ATP6V0D2: variants seen among roughly 807,000 people sequenced by gnomAD.
ATP6V0D2 encodes ATPase H+ transporting V0 subunit d2.
Under a neutral mutation model 40.0 loss-of-function variants are expected in ATP6V0D2, and 40 were observed. That is an observed-to-expected ratio of 1.00 (90% confidence interval 0.78 to 1.30). The LOEUF (loss-of-function observed/expected upper bound fraction) is 1.30. Among genes scored for constraint, ATP6V0D2 ranks in the 50% most tolerant of loss-of-function variants. The pLI, the probability that ATP6V0D2 is intolerant of heterozygous loss-of-function variation, is 0.00. For synonymous variants in ATP6V0D2, 179 were observed against 156.3 expected, an observed-to-expected ratio of 1.15 and a Z score of -1.08; for missense variants, 470 against 423.1, an observed-to-expected ratio of 1.11 and a Z score of -0.97.
rs1818851464 is a variant in ATP6V0D2 at position 86,133,309 on chromosome 8, A to G, written c.303-6148A>G. On this transcript the variant is annotated intron_variant, in intron 2 of 7. Transcript: ENST00000285393. ...CCAGGAAAGGGGCAGCTTCACAAAC[A>G]GAAAGTCTTTTTTTTTTTTTTTTTT... Among the ~76,000 whole-genome samples the G allele has an allele frequency of 2.0e-5, 3 of 147,840 alleles. No homozygotes were observed. The East Asian group carries it at 6.0e-4, about 30-fold the overall frequency.
intron 6 of ATP6V0D2, 76 bp from the exon 7 acceptor site, chr8:86,151,389 TA>T: frequency 9.6e-7 from 1 of 1,040,368 alleles, no homozygotes; most frequent in Non-Finnish European, 1.4e-6. Flanking sequence ...ACAATTTCTA[TA>T]ATGCTAGGAA....
chr8:86,101,665 T>C (rs982595502), intron 1 of ATP6V0D2, among the ~76,000 whole-genome samples: 3 of 152,112 alleles, frequency 2.0e-5, no homozygotes, highest in Non-Finnish European at 4.4e-5. Flanking sequence ...GTATCTTCAT[T>C]TTCAGTTTGG....
chr8:86,141,644 C>CATA, intron 4 of ATP6V0D2, 115 bp downstream of exon 4: 1 of 700,726 alleles, frequency 1.4e-6, no homozygotes, highest in African/African-American at 1.8e-5. Context: ...TGAAACTGTG[C>CATA]ATATTTGGAA....
At chr8:86,131,593 C>T (rs919519745) in intron 2 of ATP6V0D2, among the ~76,000 whole-genome samples, 6 of 151,438 alleles carry the variant, frequency 4.0e-5, no homozygotes, top group Non-Finnish European at 5.9e-5. Flanking sequence ...TTCTGCCTCC[C>T]GGGTTCAAGT....
At chr8:86,113,508 G>A (rs566148726) in intron 1 of ATP6V0D2, among the ~76,000 whole-genome samples, 1 of 152,226 alleles carries the variant, frequency 6.6e-6, no homozygotes, top group Non-Finnish European at 1.5e-5. Context: ...ACATTTTCTG[G>A]TGTGCTGGAT....
At chr8:86,145,172 G>C (rs1217971223) in intron 5 of ATP6V0D2, among the ~76,000 whole-genome samples, 2 of 56,990 alleles carry the variant, frequency 3.5e-5, no homozygotes, top group African/African-American at 1.2e-4. Context: ...GAAAGAAAGA[G>C]AGAAAGAGAG....
chr8:86,146,476 G>A (rs982409357), intron 5 of ATP6V0D2, among the ~76,000 whole-genome samples: 2 of 151,942 alleles, frequency 1.3e-5, no homozygotes, highest in African/African-American at 2.4e-5. Context: ...CAGAAGAATC[G>A]CTTGAAGCCA....
chr8:86,141,929 C>T (rs1818980226), intron 4 of ATP6V0D2, among the ~76,000 whole-genome samples: 1 of 152,180 alleles, frequency 6.6e-6, no homozygotes, highest in Non-Finnish European at 1.5e-5. Flanking sequence ...CCCTGAATCT[C>T]ACAGCTAATC....
intron 1 of ATP6V0D2, among the ~76,000 whole-genome samples, chr8:86,111,863 C>T (rs1213836420): frequency 6.6e-6 from 1 of 152,150 alleles, no homozygotes; most frequent in African/African-American, 2.4e-5. Context: ...TCTATGTTCC[C>T]ATAAATCAAG....
chr8:86,100,478 G>A (rs1300355985), intron 1 of ATP6V0D2, among the ~76,000 whole-genome samples: 2 of 152,124 alleles, frequency 1.3e-5, no homozygotes, highest in African/African-American at 4.8e-5. Flanking sequence ...GGGCTGAAGG[G>A]TCCTGAGGCC....
chr8:86,146,887 G>T (rs1586104703), intron 5 of ATP6V0D2, among the ~76,000 whole-genome samples: 1 of 152,026 alleles, frequency 6.6e-6, no homozygotes, highest in East Asian at 1.9e-4. Context: ...TAGGTTCCAT[G>T]TATATTCTCA....
At chr8:86,126,121 G>C (rs927410879) in intron 2 of ATP6V0D2, among the ~76,000 whole-genome samples, 1 of 149,132 alleles carries the variant, frequency 6.7e-6, no homozygotes, top group East Asian at 2.0e-4. Context: ...TATTTTTATA[G>C]AGACTGGGTT....
At chr8:86,145,756 G>C (rs747461681) in intron 5 of ATP6V0D2, among the ~76,000 whole-genome samples, 1 of 152,068 alleles carries the variant, frequency 6.6e-6, no homozygotes, top group Non-Finnish European at 1.5e-5. Context: ...CATAATTCTT[G>C]TGGTTTGGAA....
intron 1 of ATP6V0D2, among the ~76,000 whole-genome samples, chr8:86,101,601 G>A (rs35910910): frequency 0.41 from 62,219 of 151,802 alleles, 13,538 homozygotes; most frequent in East Asian, 0.51. Context: ...GATAGAAGGA[G>A]GAAGAAATGA....
intron 2 of ATP6V0D2, among the ~76,000 whole-genome samples, chr8:86,118,513 C>T (rs148062829): frequency 7.0e-4 from 106 of 152,174 alleles, no homozygotes; most frequent in African/African-American, 2.3e-3. Context: ...ACTCACAGAA[C>T]GTATTCCTCC....
At chr8:86,146,476 G>T (rs982409357) in intron 5 of ATP6V0D2, among the ~76,000 whole-genome samples, 4 of 151,942 alleles carry the variant, frequency 2.6e-5, no homozygotes, top group Non-Finnish European at 5.9e-5. Flanking sequence ...CAGAAGAATC[G>T]CTTGAAGCCA....
intron 2 of ATP6V0D2, among the ~76,000 whole-genome samples, chr8:86,122,476 C>T (rs996826541): frequency 3.3e-5 from 5 of 152,086 alleles, no homozygotes; most frequent in African/African-American, 1.2e-4. Context: ...CTTAGTTTAC[C>T]CAAAGTGTTT....
chr8:86,142,920 A>T lies in ATP6V0D2; in HGVS notation c.605A>T (p.Asp202Val), dbSNP rs760967940. ...TATAAATTCTGTAAGAATCATGGTG[A>T]TGTCACAGCAGAAGTTATGTGTCCC... is the stretch of plus-strand genomic sequence containing the variant. ...AFYKFCKNHG[D>V]VTAEVMCPIL... Residue 202 changes from aspartate to valine, a missense_variant, in exon 5 of 8, where the codon GAT becomes GTT. Coordinates refer to ENST00000285393, the MANE Select transcript of ATP6V0D2 (RefSeq NM_152565.1). 4.3e-6 allele frequency: 7 copies of T among 1,610,756 alleles called. No homozygotes were observed. The Admixed American group carries it at 1.2e-4, about 27-fold the overall frequency.
At chr8:86,138,309 A>C (rs1006464214) in intron 2 of ATP6V0D2, among the ~76,000 whole-genome samples, 26 of 152,340 alleles carry the variant, frequency 1.7e-4, no homozygotes, top group Admixed American at 1.4e-3. Context: ...GGACTGGTTT[A>C]GCGTCCAGCT....
Sources: allele counts gnomAD v4.1 joint callset (sites outside exome capture counted in the v4.1 genomes callset), GRCh38; gene constraint gnomAD v4.1.1; transcripts MANE v1.5; gene names NCBI Gene and HGNC (gene_info 2026-07-23, HGNC 2026-07-21).